Variants in LHFPL3 observed in about 807,000 individuals in gnomAD.
LHFPL3 encodes the protein LHFPL tetraspan subfamily member 3.
In LHFPL3, 5 loss-of-function variants were observed where a neutral mutation model predicts 19.3. The observed-to-expected ratio is 0.26, with a 90% confidence interval of 0.14 to 0.54. LHFPL3 has a LOEUF of 0.54. Ranked by LOEUF, LHFPL3 falls within the 20% of genes least tolerant of loss-of-function variation. LHFPL3 has a pLI of 0.94. For synonymous variants in LHFPL3, 133 were observed against 126.2 expected (o/e 1.05, Z -0.36); for missense variants, 249 against 307.4 (o/e 0.81, Z 1.42).
chr7:104,744,953 A>C (rs1249272797), intron 2 of LHFPL3, among the ~76,000 whole-genome samples: 1 of 146,878 alleles, frequency 6.8e-6, no homozygotes, highest in Non-Finnish European at 1.5e-5. Context: ...TAACATCTAT[A>C]TTCTGATTTC....
intron 1 of LHFPL3, among the ~76,000 whole-genome samples, chr7:104,535,952 G>A (rs185538236): frequency 6.6e-6 from 1 of 152,342 alleles, no homozygotes; most frequent in African/African-American, 2.4e-5. Flanking sequence ...ACCTGTGTGT[G>A]CTCATTGGCA....
chr7:104,560,027 AG>A (rs1789953477), intron 1 of LHFPL3, among the ~76,000 whole-genome samples: 1 of 149,020 alleles, frequency 6.7e-6, no homozygotes, highest in Non-Finnish European at 1.5e-5. Flanking sequence ...CCAGGGATGA[AG>A]CCCACTTGAT....
chr7:104,685,467 C>T (rs1792787366), intron 1 of LHFPL3, among the ~76,000 whole-genome samples: 1 of 152,204 alleles, frequency 6.6e-6, no homozygotes, highest in South Asian at 2.1e-4. Flanking sequence ...CACACACACA[C>T]ATTCAGAGGC....
chr7:104,882,233 ATTTAT>A (rs1001824542), intron 2 of LHFPL3, among the ~76,000 whole-genome samples: 1 of 152,046 alleles, frequency 6.6e-6, no homozygotes, highest in African/African-American at 2.4e-5. Flanking sequence ...ACTACATTTC[ATTTAT>A]TTATTTATTT....
chr7:104,632,638 A>T (rs7803057), intron 1 of LHFPL3, among the ~76,000 whole-genome samples: 1 of 152,164 alleles, frequency 6.6e-6, no homozygotes, highest in Non-Finnish European at 1.5e-5. Context: ...GCACCATGTT[A>T]GATGTTAAAT....
chr7:104,495,541 G>T (rs990063564), intron 1 of LHFPL3, among the ~76,000 whole-genome samples: 2 of 152,036 alleles, frequency 1.3e-5, no homozygotes, highest in African/African-American at 4.8e-5. Flanking sequence ...CTGCCACCAC[G>T]CTTGGCTAAT....
At chr7:104,506,245 C>G (rs539349929) in intron 1 of LHFPL3, among the ~76,000 whole-genome samples, 1 of 151,900 alleles carries the variant, frequency 6.6e-6, no homozygotes, top group Admixed American at 6.6e-5. Context: ...CCCGCCCCCG[C>G]TGCCCCCACC....
At chr7:104,580,857 C>T (rs1790446940) in intron 1 of LHFPL3, among the ~76,000 whole-genome samples, 2 of 152,022 alleles carry the variant, frequency 1.3e-5, no homozygotes, top group African/African-American at 2.4e-5. Context: ...CATGTTGTTG[C>T]ATGTATCACA....
intron 1 of LHFPL3, among the ~76,000 whole-genome samples, chr7:104,349,836 T>C (rs1231700321): frequency 6.6e-6 from 1 of 152,252 alleles, no homozygotes; most frequent in Non-Finnish European, 1.5e-5. Flanking sequence ...GCTATAACCT[T>C]ACTTTTTGGA....
At chr7:104,376,765 G>A (rs1394067948) in intron 1 of LHFPL3, among the ~76,000 whole-genome samples, 1 of 152,092 alleles carries the variant, frequency 6.6e-6, no homozygotes, top group Admixed American at 6.5e-5. Context: ...ACTCCTCCTT[G>A]CCCTTGCCAG....
At chr7:104,805,689 G>T (rs972682333) in intron 2 of LHFPL3, among the ~76,000 whole-genome samples, 2 of 152,310 alleles carry the variant, frequency 1.3e-5, no homozygotes, top group South Asian at 4.1e-4. Context: ...CTTTCCTTCA[G>T]TCAGCCTCCA....
intron 1 of LHFPL3, among the ~76,000 whole-genome samples, chr7:104,731,810 A>C (rs911926048): frequency 6.6e-6 from 1 of 151,856 alleles, no homozygotes; most frequent in Non-Finnish European, 1.5e-5. Flanking sequence ...CCAGTTTTCA[A>C]AGGGAATGCT....
intron 1 of LHFPL3, among the ~76,000 whole-genome samples, chr7:104,692,051 C>T (rs1326872174): frequency 3.3e-5 from 5 of 152,118 alleles, no homozygotes; most frequent in African/African-American, 1.2e-4. Flanking sequence ...TTTCCCCTGC[C>T]CTAGAGATCT....
At chr7:104,642,386 A>AT (rs1791854571) in intron 1 of LHFPL3, among the ~76,000 whole-genome samples, 1 of 151,982 alleles carries the variant, frequency 6.6e-6, no homozygotes, top group Non-Finnish European at 1.5e-5. Context: ...TCACACAGAG[A>AT]TTTTCTACTG....
chr7:104,522,362 G>T (rs1794086291), intron 1 of LHFPL3, among the ~76,000 whole-genome samples: 1 of 123,622 alleles, frequency 8.1e-6, no homozygotes, highest in African/African-American at 3.1e-5. Flanking sequence ...ATAGGAAGGG[G>T]AACATCACAC....
intron 2 of LHFPL3, chr7:104,738,542 T>G (rs1043099869): frequency 6.6e-6 from 1 of 152,110 alleles, no homozygotes; most frequent in Non-Finnish European, 1.5e-5. Flanking sequence ...ACCTTTCACT[T>G]TCCAGACATC....
chr7:104,877,518 G>T (rs1791970241), intron 2 of LHFPL3, among the ~76,000 whole-genome samples: 1 of 152,056 alleles, frequency 6.6e-6, no homozygotes, highest in African/African-American at 2.4e-5. Flanking sequence ...TACATGAAAA[G>T]ATACTCAGCA....
intron 2 of LHFPL3, among the ~76,000 whole-genome samples, chr7:104,859,895 C>T (rs1167044543): frequency 1.3e-5 from 2 of 152,056 alleles, no homozygotes; most frequent in Admixed American, 6.5e-5. Context: ...AAATGTATCA[C>T]TGGTAGGAGA....
intron 1 of LHFPL3, among the ~76,000 whole-genome samples, chr7:104,731,220 C>T (rs1224319717): frequency 1.1e-4 from 16 of 151,960 alleles, no homozygotes; most frequent in Admixed American, 3.3e-4. Context: ...ATTGACTTGG[C>T]GATGTGGGCT....
Sources: gnomAD v4.1 joint callset for allele counts (sites outside exome capture counted in the v4.1 genomes callset) on GRCh38, gnomAD v4.1.1 for gene constraint, MANE v1.5 for transcripts, NCBI Gene and HGNC (gene_info 2026-07-23, HGNC 2026-07-21) for gene names.